SELENOF: variants seen among roughly 807,000 people sequenced by gnomAD.
SELENOF encodes 15 kDa selenoprotein.
In SELENOF, 16 loss-of-function variants were observed where a neutral mutation model predicts 20.5. That is an observed-to-expected ratio of 0.78 (90% CI 0.53 to 1.19). The LOEUF (loss-of-function observed/expected upper bound fraction) is 1.19. SELENOF is among the 50% of genes most tolerant of loss of function. The probability of loss-of-function intolerance (pLI) is 0.00; values close to 1 mark genes in which losing one functional copy is unlikely to be tolerated. For synonymous variants in SELENOF, 78 were observed against 74.5 expected (o/e 1.05, Z -0.24); for missense variants, 215 against 194.2 (o/e 1.11, Z -0.64).
At chr1:86,884,856 G>T (rs1179273603) in intron 2 of SELENOF, among the ~76,000 whole-genome samples, 4 of 152,186 alleles carry the variant, frequency 2.6e-5, no homozygotes, top group South Asian at 2.1e-4. Context: ...CTAGGGAAAT[G>T]TAAGAAATCA....
At chr1:86,864,076 C>T (rs1268919859) in intron 4 of SELENOF, among the ~76,000 whole-genome samples, 2 of 152,172 alleles carry the variant, frequency 1.3e-5, no homozygotes, top group Non-Finnish European at 2.9e-5. Flanking sequence ...CTCAAATGAA[C>T]TTAAAATTGA....
chr1:86,883,508 T>C (rs1659133604), intron 2 of SELENOF, among the ~76,000 whole-genome samples: 1 of 152,104 alleles, frequency 6.6e-6, no homozygotes, highest in East Asian at 1.9e-4. Flanking sequence ...CTAAATAGTG[T>C]ATAGTGTACA....
chr1:86,910,889 A>C (rs887052301), intron 1 of SELENOF, among the ~76,000 whole-genome samples: 22 of 152,168 alleles, frequency 1.4e-4, no homozygotes, highest in Non-Finnish European at 3.1e-4. Flanking sequence ...AGCTCTATGA[A>C]GGTAACTGAA....
chr1:86,880,559 T>C, intron 3 of SELENOF, 103 bp downstream of exon 3: 1 of 614,350 alleles, frequency 1.6e-6, no homozygotes, highest in Non-Finnish European at 2.8e-6. Context: ...TAAGAAAGTA[T>C]AATCCTAAAA....
intron 3 of SELENOF, among the ~76,000 whole-genome samples, chr1:86,876,481 G>A (rs1658926217): frequency 6.6e-6 from 1 of 152,146 alleles, no homozygotes; most frequent in South Asian, 2.1e-4. Flanking sequence ...ATTGTACTCT[G>A]TATTTTAAGA....
At chr1:86,895,035 T>C (rs961321844) in intron 2 of SELENOF, among the ~76,000 whole-genome samples, 1 of 152,198 alleles carries the variant, frequency 6.6e-6, no homozygotes, top group African/African-American at 2.4e-5. Flanking sequence ...CTTTTTAAAA[T>C]GTGTCAGTTG....
At chr1:86,879,588 A>C (rs748514279) in intron 3 of SELENOF, among the ~76,000 whole-genome samples, 10 of 152,220 alleles carry the variant, frequency 6.6e-5, no homozygotes, top group Non-Finnish European at 1.0e-4. Flanking sequence ...CCATTAACTA[A>C]ATAAGGCAAG....
chr1:86,886,457 T>C (rs1355520290), intron 2 of SELENOF, among the ~76,000 whole-genome samples: 2 of 151,912 alleles, frequency 1.3e-5, no homozygotes, highest in African/African-American at 4.8e-5. Context: ...CCTTTCCTTA[T>C]GAGGTACTGC....
chr1:86,881,406 A>T (rs890500693), intron 2 of SELENOF, among the ~76,000 whole-genome samples: 5 of 152,226 alleles, frequency 3.3e-5, no homozygotes, highest in African/African-American at 1.2e-4. Context: ...GCTGAAATGG[A>T]TTCAATGGTA....
chr1:86,875,414 T>TGACTTTTAGGAAAAGATGAG (rs1553125719), intron 3 of SELENOF, among the ~76,000 whole-genome samples: 4 of 152,166 alleles, frequency 2.6e-5, no homozygotes, highest in Non-Finnish European at 5.9e-5. Context: ...TAAAAAATTA[T>TGACTTTTAGGAAAAGATGAG]GACTTTTAGG....
chr1:86,867,392 T>G (rs1658627406), intron 4 of SELENOF, among the ~76,000 whole-genome samples: 1 of 151,938 alleles, frequency 6.6e-6, no homozygotes, highest in Non-Finnish European at 1.5e-5. Flanking sequence ...CTCAGGAAGC[T>G]GAGACATGAG....
At chr1:86,876,125 C>G (rs1476223071) in intron 3 of SELENOF, among the ~76,000 whole-genome samples, 5 of 151,250 alleles carry the variant, frequency 3.3e-5, no homozygotes, top group African/African-American at 9.7e-5. Flanking sequence ...GACTAGATAA[C>G]AAGTACCTAA....
chr1:86,902,009 G>T (rs1659716213), intron 2 of SELENOF, among the ~76,000 whole-genome samples: 1 of 152,152 alleles, frequency 6.6e-6, no homozygotes. Context: ...ACAGCCCATA[G>T]AACAGCTTAA....
At chr1:86,899,340 C>G (rs1328670775) in intron 2 of SELENOF, among the ~76,000 whole-genome samples, 2 of 137,040 alleles carry the variant, frequency 1.5e-5, no homozygotes, top group Non-Finnish European at 3.2e-5. Flanking sequence ...CAGAGGGGCT[C>G]CTCACTTCCC....
At chr1:86,888,466 G>T (rs995054658) in intron 2 of SELENOF, among the ~76,000 whole-genome samples, 1 of 152,016 alleles carries the variant, frequency 6.6e-6, no homozygotes, top group African/African-American at 2.4e-5. Context: ...GTAGAGATGG[G>T]GTCTTGCTAT....
At chr1:86,897,314 C>T (rs1169840420) in intron 2 of SELENOF, among the ~76,000 whole-genome samples, 1 of 152,020 alleles carries the variant, frequency 6.6e-6, no homozygotes, top group Non-Finnish European at 1.5e-5. Context: ...GAAAAAAATC[C>T]AACAGCATTA....
intron 2 of SELENOF, among the ~76,000 whole-genome samples, chr1:86,892,765 T>C (rs541115196): frequency 4.7e-4 from 72 of 152,310 alleles, no homozygotes; most frequent in African/African-American, 1.7e-3. Flanking sequence ...TGGGAACATA[T>C]TCTTGAAAAA....
intron 2 of SELENOF, among the ~76,000 whole-genome samples, chr1:86,885,521 T>C (rs1557461666): frequency 6.6e-6 from 1 of 152,124 alleles, no homozygotes; most frequent in African/African-American, 2.4e-5. Context: ...ATCATACCAC[T>C]ACCACCACCA....
intron 2 of SELENOF, among the ~76,000 whole-genome samples, chr1:86,894,839 AAACAAC>A (rs371203807): frequency 9.2e-5 from 14 of 151,960 alleles, no homozygotes; most frequent in African/African-American, 2.7e-4. Flanking sequence ...CCTATCTCTA[AAACAAC>A]AACAACAACA....
Sources: allele counts gnomAD v4.1 joint callset (sites outside exome capture counted in the v4.1 genomes callset), GRCh38; gene constraint gnomAD v4.1.1; transcripts MANE v1.5; gene names NCBI Gene and HGNC (gene_info 2026-07-23, HGNC 2026-07-21).